The following MYPN variants were observed in gnomAD, a reference collection of about 807,000 sequenced individuals.
MYPN encodes sarcomeric protein myopalladin, 145 kDa (MYOP).
A neutral mutation model predicts 129.4 loss-of-function variants in MYPN; 63 were observed. That is an observed-to-expected ratio of 0.49 (90% CI 0.40 to 0.60). MYPN has a LOEUF of 0.60. Among genes scored for constraint, MYPN ranks in the 20% least tolerant of loss-of-function variants. The pLI is 0.00. For missense variants in MYPN, 1,596 were observed against 1,635.4 expected, an observed-to-expected ratio of 0.98 and a Z score of 0.42; for synonymous variants, 629 against 600.9, an observed-to-expected ratio of 1.05 and a Z score of -0.68.
intron 6 of MYPN, among the ~76,000 whole-genome samples, chr10:68,153,396 G>A (rs1418175708): frequency 6.6e-6 from 1 of 152,234 alleles, no homozygotes; most frequent in Admixed American, 6.5e-5. Context: ...TGCTCTGATT[G>A]GCAGATGCAT....
chr10:68,095,754 G>A (rs1297010263), intron 1 of MYPN, among the ~76,000 whole-genome samples: 4 of 114,358 alleles, frequency 3.5e-5, no homozygotes. Flanking sequence ...GCCAGCAGTT[G>A]GGGGAAGAGG....
Position 68,174,134 on chromosome 10 carries a change from C to G in MYPN, c.2042C>G (p.Pro681Arg), listed in dbSNP as rs202084832. The change falls in exon 11 of 20, where the codon CCT becomes CGT. Residue 681 changes from proline to arginine, a missense_variant. Pro to Arg is a moderately radical substitution (Grantham distance 103, BLOSUM62 -2). Transcript: ENST00000358913. ...GAACAACACCAATTGCAAAACCCACCTCCTTCATCTCCTAAGGAGTTTCCT... is the reference window on the plus strand; with the variant it reads ...GAACAACACCAATTGCAAAACCCACGTCCTTCATCTCCTAAGGAGTTTCCT... ...LLEQHQLQNP[P>R]PSSPKEFPFS... The G allele has an allele frequency of 6.2e-7, 1 of 1,614,012 alleles. No homozygotes were observed. The highest frequency in any genetic ancestry group is 8.5e-7 in the Non-Finnish European group (1 of 1,179,900).
intron 6 of MYPN, among the ~76,000 whole-genome samples, chr10:68,155,281 T>G (rs1185698481): frequency 6.6e-6 from 1 of 152,194 alleles, no homozygotes; most frequent in Non-Finnish European, 1.5e-5. Context: ...TCAGAGTATC[T>G]TTAGGAGGAA....
chr10:68,092,831 G>A (rs529512038), intron 1 of MYPN, among the ~76,000 whole-genome samples: 8 of 151,756 alleles, frequency 5.3e-5, no homozygotes, highest in African/African-American at 1.9e-4. Flanking sequence ...CTCATTTTTC[G>A]TTAACTGAAA....
chr10:68,211,568 A>G lies in MYPN; in HGVS notation c.*1113A>G, dbSNP rs1395367378. 6 of 453,984 alleles carry G rather than the reference A, an allele frequency of 1.3e-5. No individual in the cohort carries two copies. The highest frequency in any genetic ancestry group is 2.6e-5 in the Non-Finnish European group (6 of 226,800). The allele number at this position is 453,984 out of a possible 1,614,324, so 28.1% of individuals were successfully genotyped here. On this transcript the variant is annotated 3_prime_UTR_variant, in exon 20 of 20. Transcript: ENST00000358913. ...AAAGTTGGGAGAAAGGGGAATATGC[A>G]TCTTTATTCTAATCACCAATTCAAA... is the stretch of plus-strand genomic sequence containing the variant.
chr10:68,100,074 T>G (rs187204827), intron 1 of MYPN, among the ~76,000 whole-genome samples: 57 of 152,292 alleles, frequency 3.7e-4, no homozygotes, highest in African/African-American at 1.3e-3. Context: ...TGGAAAATCT[T>G]AAAGTATGCT....
At chr10:68,128,169 G>A (rs772125900) in intron 2 of MYPN, among the ~76,000 whole-genome samples, 1 of 152,152 alleles carries the variant, frequency 6.6e-6, no homozygotes, top group Non-Finnish European at 1.5e-5. Flanking sequence ...ATACGTTCAT[G>A]TATTACCCAG....
chr10:68,111,501 C>T (rs929730531), intron 1 of MYPN, among the ~76,000 whole-genome samples: 4 of 152,018 alleles, frequency 2.6e-5, no homozygotes, highest in African/African-American at 9.7e-5. Flanking sequence ...TTTCCCCTCT[C>T]CTAGGGGATG....
At chr10:68,151,764 A>T (rs1016182704) in intron 6 of MYPN, among the ~76,000 whole-genome samples, 1 of 152,204 alleles carries the variant, frequency 6.6e-6, no homozygotes, top group Non-Finnish European at 1.5e-5. Context: ...GACAGGTGAC[A>T]TCAGAGGGAT....
chr10:68,203,022 T>C (rs1484213123), intron 18 of MYPN, among the ~76,000 whole-genome samples: 3 of 152,240 alleles, frequency 2.0e-5, no homozygotes, highest in African/African-American at 7.2e-5. Context: ...ATTTTAAATA[T>C]GGTTTTATTG....
chr10:68,122,081 A>G lies in MYPN; in HGVS notation c.643A>G (p.Ile215Val). 2.5e-6 allele frequency: 4 copies of G among 1,614,170 alleles called. No homozygotes were observed. The highest frequency in any genetic ancestry group is 1.7e-5 in the Admixed American group (1 of 60,016). Residue 215 changes from isoleucine to valine, a missense_variant, in exon 2 of 20, where the codon ATC becomes GTC. Transcript: ENST00000358913. ...AGAAAGATCTTCTGTTCCCATCCCT[A>G]TCCCTGCGGATACCAGGGATAATGA... is the stretch of plus-strand genomic sequence containing the variant. ...RRERSSVPIP[I>V]PADTRDNEVN...
chr10:68,206,973 A>G, intron 19 of MYPN, 70 bp downstream of exon 19: 2 of 1,577,266 alleles, frequency 1.3e-6, no homozygotes, highest in Non-Finnish European at 1.7e-6. Context: ...TTAAAGATAA[A>G]TGGGTCAGGC....
At chr10:68,128,340 C>G (rs2042357096) in intron 2 of MYPN, among the ~76,000 whole-genome samples, 2 of 152,128 alleles carry the variant, frequency 1.3e-5, no homozygotes, top group Admixed American at 6.5e-5. Context: ...GATGTTGATG[C>G]CTGCTATGGC....
At chr10:68,205,955 C>A (rs1294985910) in intron 18 of MYPN, among the ~76,000 whole-genome samples, 1 of 152,040 alleles carries the variant, frequency 6.6e-6, no homozygotes, top group African/African-American at 2.4e-5. Flanking sequence ...TTTATAAATT[C>A]TTAGACATAA....
upstream of MYPN, among the ~76,000 whole-genome samples, chr10:68,101,183 A>T (rs1247853302): frequency 1.3e-5 from 2 of 152,208 alleles, no homozygotes; most frequent in South Asian, 2.1e-4. Context: ...TAATACATAA[A>T]TACGTAAAAA....
Position 68,210,958 on chromosome 10 carries a change from T to C in MYPN, c.*503T>C, listed in dbSNP as rs1394411776. 1 of 454,384 alleles carries C rather than the reference T, an allele frequency of 2.2e-6. No individual in the cohort carries two copies. The highest frequency in any genetic ancestry group is 4.4e-6 in the Non-Finnish European group (1 of 226,828). The allele number at this position is 454,384 out of a possible 1,614,324, so 28.1% of individuals were successfully genotyped here. ...TGAATTCACCAAATCAGCTTCCACT[T>C]AGCATTAGGAGGTCATGCCATACAA... On this transcript the variant is annotated 3_prime_UTR_variant, in exon 20 of 20. Transcript: ENST00000358913.
intron 2 of MYPN, among the ~76,000 whole-genome samples, chr10:68,132,995 A>G (rs1484481888): frequency 6.6e-6 from 1 of 150,628 alleles, no homozygotes; most frequent in Non-Finnish European, 1.5e-5. Flanking sequence ...CTGGAAAACC[A>G]TATAGAATGC....
rs144905893 is a variant in MYPN at position 68,131,708 on chromosome 10, A to G, written c.902+9368A>G. ...AGGCGGTATTCTTTAATTTCTTTCA[A>G]AAAAGATTTGTAATCTTTTCTCTGG... On this transcript the variant is annotated intron_variant, in intron 2 of 19. Transcript: ENST00000358913. 5.3e-5 allele frequency among the ~76,000 whole-genome samples: 8 copies of G among 152,284 alleles called. No individual in the cohort carries two copies. The East Asian group carries it at 1.5e-3, about 29-fold the overall frequency.
chr10:68,118,877 TGAAGGAAGGAAG>T (rs10661735), intron 1 of MYPN, among the ~76,000 whole-genome samples: 16,419 of 122,404 alleles, frequency 0.13, 1,099 homozygotes, highest in Middle Eastern at 0.19. Flanking sequence ...AAAAGAGTGA[TGAAGGAAGGAAG>T]GAAGGAAGGA....
Sources: gnomAD v4.1 joint callset for allele counts (sites outside exome capture counted in the v4.1 genomes callset) on GRCh38, gnomAD v4.1.1 for gene constraint, MANE v1.5 for transcripts, NCBI Gene and HGNC (gene_info 2026-07-23, HGNC 2026-07-21) for gene names.